PEX5L: variants seen among roughly 807,000 people sequenced by gnomAD.
PEX5L encodes PEX5-related protein.
A neutral mutation model predicts 84.0 loss-of-function variants in PEX5L; 30 were observed. The observed-to-expected ratio is 0.36, with a 90% confidence interval of 0.27 to 0.48. PEX5L has a LOEUF of 0.48. Among genes scored for constraint, PEX5L ranks in the 20% least tolerant of loss-of-function variants. The pLI, the probability that PEX5L is intolerant of heterozygous loss-of-function variation, is 0.99. For missense variants in PEX5L, 533 were observed against 754.6 expected, an observed-to-expected ratio of 0.71 and a Z score of 3.44; for synonymous variants, 270 against 283.1, an observed-to-expected ratio of 0.95 and a Z score of 0.46.
At chr3:179,876,264 CG>C (rs1239059007) in intron 5 of PEX5L, among the ~76,000 whole-genome samples, 1 of 151,864 alleles carries the variant, frequency 6.6e-6, no homozygotes, top group Non-Finnish European at 1.5e-5. Context: ...GAGGCAGAGG[CG>C]GGTGGATCAC....
Position 179,808,455 on chromosome 3 carries a change from A to G in PEX5L, c.1353-18T>C. 7.0e-7 allele frequency: 1 copy of G among 1,427,900 alleles called. No homozygotes were observed. Among genetic ancestry groups the G allele is most frequent in the Non-Finnish European group, 9.2e-7 (1 of 1,081,944 alleles). The allele number at this position is 1,427,900 out of a possible 1,614,324, so 88.5% of individuals were successfully genotyped here. A position where few individuals can be genotyped will look rare whatever the true frequency, so the allele number is the denominator to read the frequency against. On this transcript the variant is annotated intron_variant, in intron 12 of 14. Transcript: ENST00000467460. ...GAACAGAGCTACAAGAGAAAAAAAA[A>G]ATTAGATTTGTAATCCAAATAGTCA...
intron 12 of PEX5L, among the ~76,000 whole-genome samples, chr3:179,809,040 C>T (rs553725292): frequency 1.8e-4 from 22 of 120,544 alleles, no homozygotes; most frequent in Non-Finnish European, 3.0e-4. Flanking sequence ...TGCCACTGCA[C>T]TCCAGCCTGG....
At chr3:179,847,890 G>A (rs1187773040) in intron 8 of PEX5L, among the ~76,000 whole-genome samples, 1 of 151,286 alleles carries the variant, frequency 6.6e-6, no homozygotes, top group African/African-American at 2.4e-5. Flanking sequence ...TAGAGATAGG[G>A]TCTTGCCATA....
intron 2 of PEX5L, among the ~76,000 whole-genome samples, chr3:179,927,145 G>A (rs973171863): frequency 1.3e-5 from 2 of 152,100 alleles, no homozygotes; most frequent in Non-Finnish European, 2.9e-5. Flanking sequence ...ATTTGGGATC[G>A]CTGGTGAACA....
In PEX5L at chr3:179,796,083, G is replaced by GA. The variant is rs776368595; in HGVS notation, c.*5744dup. The GA allele has an allele frequency of 1.1e-4, 17 of 152,146 alleles. No individual in the cohort carries two copies. Among genetic ancestry groups the GA allele is most frequent in the Non-Finnish European group, 1.0e-4 (7 of 68,038 alleles). 9.4% of individuals were successfully genotyped at this position (152,146 alleles called of 1,614,324 possible). Reference sequence around the variant, plus strand: ...ATGCAGAAATGCTATATATCTCAGTGAAAATGCCAAATGCTCGAATTACCG... The same window carrying GA: ...ATGCAGAAATGCTATATATCTCAGTGAAAAATGCCAAATGCTCGAATTACCG... On this transcript the variant is annotated 3_prime_UTR_variant, in exon 15 of 15. Transcript: ENST00000467460.
chr3:179,842,307 T>C (rs1737613502), intron 8 of PEX5L, among the ~76,000 whole-genome samples: 1 of 152,140 alleles, frequency 6.6e-6, no homozygotes, highest in African/African-American at 2.4e-5. Flanking sequence ...TCTAGTTTCA[T>C]TTGCAAATGA....
chr3:179,942,333 G>A (rs1659559196), intron 2 of PEX5L, among the ~76,000 whole-genome samples: 1 of 152,216 alleles, frequency 6.6e-6, no homozygotes, highest in African/African-American at 2.4e-5. Flanking sequence ...GCCTGAGGAG[G>A]GCCACTCCGA....
chr3:179,961,545 G>A (rs975909556), intron 2 of PEX5L, among the ~76,000 whole-genome samples: 9 of 152,076 alleles, frequency 5.9e-5, no homozygotes, highest in Non-Finnish European at 1.2e-4. Flanking sequence ...TGACAAGGTC[G>A]GGGCAATGGC....
intron 1 of PEX5L, among the ~76,000 whole-genome samples, chr3:179,982,475 TCTTAGGTG>T (rs1448296603): frequency 6.6e-6 from 1 of 152,104 alleles, no homozygotes; most frequent in Non-Finnish European, 1.5e-5. Flanking sequence ...AAATCCCAAA[TCTTAGGTG>T]CTTCAATTAG....
chr3:179,949,217 TA>T (rs916324107), intron 2 of PEX5L, among the ~76,000 whole-genome samples: 4 of 150,956 alleles, frequency 2.6e-5, no homozygotes, highest in East Asian at 3.9e-4. Context: ...AGTAGATTTT[TA>T]AAAAAAAAAT....
chr3:180,001,712 G>A (rs1399959472), intron 1 of PEX5L, among the ~76,000 whole-genome samples: 1 of 152,008 alleles, frequency 6.6e-6, no homozygotes, highest in Non-Finnish European at 1.5e-5. Context: ...ATACACATAT[G>A]CAACTTGACA....
At chr3:179,946,617 T>C (rs1290921330) in intron 2 of PEX5L, among the ~76,000 whole-genome samples, 4 of 151,852 alleles carry the variant, frequency 2.6e-5, no homozygotes, top group East Asian at 1.9e-4. Flanking sequence ...ACTAACAGGG[T>C]TTCAATGGCT....
intron 2 of PEX5L, among the ~76,000 whole-genome samples, chr3:179,942,034 A>G (rs994861128): frequency 2.6e-5 from 4 of 151,444 alleles, no homozygotes; most frequent in African/African-American, 9.7e-5. Context: ...AAAAAAAAAA[A>G]AAGAAGAAAA....
At chr3:179,942,032 A>AG (rs1379807213) in intron 2 of PEX5L, among the ~76,000 whole-genome samples, 1 of 151,532 alleles carries the variant, frequency 6.6e-6, no homozygotes, top group Non-Finnish European at 1.5e-5. Flanking sequence ...AAAAAAAAAA[A>AG]AAAAGAAGAA....
intron 1 of PEX5L, among the ~76,000 whole-genome samples, chr3:179,990,400 C>CT (rs11286603): frequency 6.7e-5 from 10 of 150,084 alleles, no homozygotes; most frequent in South Asian, 2.1e-4. Context: ...ATTCTGATAT[C>CT]TTTTTTTTTT....
chr3:179,985,169 T>C (rs1161387215), intron 1 of PEX5L, among the ~76,000 whole-genome samples: 1 of 152,206 alleles, frequency 6.6e-6, no homozygotes, highest in Non-Finnish European at 1.5e-5. Context: ...CTTACAAGGA[T>C]TACAGGAAAT....
intron 2 of PEX5L, among the ~76,000 whole-genome samples, chr3:179,952,030 T>A (rs551207935): frequency 6.6e-6 from 1 of 152,366 alleles, no homozygotes; most frequent in Non-Finnish European, 1.5e-5. Context: ...GTTACAATAG[T>A]GACTTTTTCC....
Position 179,808,445 on chromosome 3 carries a change from A to G in PEX5L, c.1353-8T>C. ...ACCCCTTCCAGAACAGAGCTACAAG[A>G]GAAAAAAAAAATTAGATTTGTAATC... On this transcript the variant is annotated splice_region_variant and splice_polypyrimidine_tract_variant and intron_variant, in intron 12 of 14. Transcript: ENST00000467460. The G allele has an allele frequency of 6.9e-7, 1 of 1,449,906 alleles. No individual in the cohort carries two copies. Among genetic ancestry groups the G allele is most frequent in the South Asian group, 1.5e-5 (1 of 65,096 alleles). 89.8% of individuals were successfully genotyped at this position (1,449,906 alleles called of 1,614,324 possible).
At chr3:179,938,519 C>T (rs575701333) in intron 2 of PEX5L, among the ~76,000 whole-genome samples, 3 of 152,294 alleles carry the variant, frequency 2.0e-5, no homozygotes, top group South Asian at 4.1e-4. Flanking sequence ...AGGGAAATAG[C>T]GTGTTTAACA....
Sources: allele counts gnomAD v4.1 joint callset (sites outside exome capture counted in the v4.1 genomes callset), GRCh38; gene constraint gnomAD v4.1.1; transcripts MANE v1.5; gene names NCBI Gene and HGNC (gene_info 2026-07-23, HGNC 2026-07-21).